Variants in PCDHA8 observed in about 807,000 individuals in gnomAD.
PCDHA8 encodes the protein protocadherin alpha-8.
In PCDHA8, 53 loss-of-function variants were observed where a neutral mutation model predicts 61.8. The observed-to-expected ratio is 0.86, with a 90% confidence interval of 0.69 to 1.08. The LOEUF (loss-of-function observed/expected upper bound fraction) is 1.08, where lower values mean the gene tolerates loss of function less well. Among genes scored for constraint, PCDHA8 ranks in the 50% least tolerant of loss-of-function variants. The pLI, the probability that PCDHA8 is intolerant of heterozygous loss-of-function variation, is 0.00. For synonymous variants in PCDHA8, 618 were observed against 556.6 expected (o/e 1.11, Z -1.55); for missense variants, 1,293 against 1,245.0 (o/e 1.04, Z -0.58).
intron 1 of PCDHA8, among the ~76,000 whole-genome samples, chr5:140,961,483 G>A (rs1365864551): frequency 6.6e-6 from 1 of 152,090 alleles, no homozygotes; most frequent in Non-Finnish European, 1.5e-5. Context: ...TCTTGTCCAC[G>A]TGAGTATATT....
intron 1 of PCDHA8, chr5:140,853,994 C>A (rs1157670229): frequency 4.2e-6 from 2 of 477,726 alleles, no homozygotes; most frequent in Non-Finnish European, 5.6e-6. Context: ...TGAGACTCAT[C>A]TCTGCCAAAA....
chr5:141,009,649 C>G lies in PCDHA8; in HGVS notation c.2565C>G (p.Ser855=). The change falls in exon 4 of 4, where the codon TCC becomes TCG. Residue 855 remains serine, a synonymous_variant. Coordinates refer to ENST00000531613, the MANE Select transcript of PCDHA8 (RefSeq NM_018911.3). ...ATPEPEAGEV[S]PPVGAGVNSN... ...CAGAACCAGAGGCAGGAGAAGTGTC[C>G]CCTCCAGTCGGTGCGGGTGTCAACA... 1 of 1,613,646 alleles carries G rather than the reference C, an allele frequency of 6.2e-7. No homozygotes were observed. The highest frequency in any genetic ancestry group is 8.5e-7 in the Non-Finnish European group (1 of 1,179,816).
At chr5:140,959,407 G>A (rs1449444307) in intron 1 of PCDHA8, among the ~76,000 whole-genome samples, 3 of 152,052 alleles carry the variant, frequency 2.0e-5, no homozygotes, top group African/African-American at 7.2e-5. Flanking sequence ...ATAAAGTGTT[G>A]ATTGATCTGA....
rs949986485 is a variant in PCDHA8 at position 140,855,050 on chromosome 5, T to C, written c.2394+11335T>C. Among the ~76,000 whole-genome samples the C allele has an allele frequency of 5.5e-4, 83 of 150,048 alleles. 4 individuals are homozygous for C. The highest frequency in any genetic ancestry group is 1.9e-3 in the African/African-American group (78 of 41,034). On this transcript the variant is annotated intron_variant, in intron 1 of 3. Transcript: ENST00000531613. ...ATAAAGGATTTTTCTGTAATAGTAC[T>C]TTTCTGTTTTCTTAAATACAGAAAC... is the stretch of plus-strand genomic sequence containing the variant.
At chr5:140,861,150 G>T (rs2046778141) in intron 1 of PCDHA8, 1 of 154,448 alleles carries the variant, frequency 6.5e-6, no homozygotes, top group Non-Finnish European at 1.4e-5. Flanking sequence ...TCAGGAACAA[G>T]GACCAAAAGG....
At chr5:140,873,843 T>C (rs2054523917) in intron 1 of PCDHA8, among the ~76,000 whole-genome samples, 1 of 152,144 alleles carries the variant, frequency 6.6e-6, no homozygotes, top group Non-Finnish European at 1.5e-5. Context: ...GTATTTTTAG[T>C]AGAGATGGGT....
chr5:140,946,631 T>TATATATATATATATATATATACAC lies in PCDHA8; in HGVS notation c.2395-32317_2395-32316insTATATATATATATATATATACACA, dbSNP rs57893927. Among the ~76,000 whole-genome samples, 100 of 131,838 alleles carry TATATATATATATATATATATACAC rather than the reference T, an allele frequency of 7.6e-4. 3 individuals carry two copies. Among genetic ancestry groups the TATATATATATATATATATATACAC allele is most frequent in the African/African-American group, 2.6e-3 (76 of 28,714 alleles). The allele number at this position is 131,838 out of a possible 152,430, so 86.5% of individuals were successfully genotyped here. A position where few individuals can be genotyped will look rare whatever the true frequency, so the allele number is the denominator to read the frequency against. On this transcript the variant is annotated intron_variant, in intron 1 of 3. Transcript: ENST00000531613. ...TGTGAAATATATATATATATATATA[T>TATATATATATATATATATATACAC]ACAATGGAATACTCATCAGCCATTA...
chr5:140,863,834 A>G lies in PCDHA8; in HGVS notation c.2394+20119A>G, dbSNP rs868982708. The G allele has an allele frequency of 1.6e-5, 3 of 185,882 alleles. No homozygotes were observed. The East Asian group carries it at 3.9e-4, about 24-fold the overall frequency. The allele number at this position is 185,882 out of a possible 1,614,324, so 11.5% of individuals were successfully genotyped here. A position where few individuals can be genotyped will look rare whatever the true frequency, so the allele number is the denominator to read the frequency against. The stretch of plus-strand genomic sequence containing the variant: ...GCCAACATGGTGAAACTCCATCTCT[A>G]CTAAAGATATAAAAAAATTAGCTGG... On this transcript the variant is annotated intron_variant, in intron 1 of 3. Transcript: ENST00000531613.
intron 1 of PCDHA8, among the ~76,000 whole-genome samples, chr5:140,938,050 A>G (rs1169641392): frequency 6.6e-6 from 1 of 152,116 alleles, no homozygotes; most frequent in African/African-American, 2.4e-5. Context: ...TGGGTTTTCT[A>G]CATATACTGT....
chr5:140,868,892 A>C (rs1450985948), intron 1 of PCDHA8: 8 of 760,982 alleles, frequency 1.1e-5, no homozygotes, highest in Non-Finnish European at 1.6e-5. Context: ...TTTTAGGCGC[A>C]AGGTGTCGCT....
chr5:140,929,124 C>A (rs2085843450), intron 1 of PCDHA8: 5 of 1,614,048 alleles, frequency 3.1e-6, no homozygotes, highest in Admixed American at 3.3e-5. Context: ...CCATAGATGT[C>A]ACTACAGTTG....
At chr5:140,967,560 A>C (rs2096156699) in intron 1 of PCDHA8, 2 of 1,613,966 alleles carry the variant, frequency 1.2e-6, no homozygotes, top group Non-Finnish European at 1.7e-6. Context: ...TATCGCGTCC[A>C]GCTACGGGAG....
At chr5:140,967,233 A>G in intron 1 of PCDHA8, 1 of 1,613,728 alleles carries the variant, frequency 6.2e-7, no homozygotes, top group South Asian at 1.1e-5. Context: ...TACCAGCTTC[A>G]GGTAAGCGAA....
chr5:140,845,803 T>C (rs1319133517), intron 1 of PCDHA8, among the ~76,000 whole-genome samples: 3 of 149,694 alleles, frequency 2.0e-5, no homozygotes, highest in Non-Finnish European at 4.5e-5. Flanking sequence ...TGGCAAGTGA[T>C]AGGTACATAA....
At chr5:140,919,355 A>C (rs2079096245) in intron 1 of PCDHA8, among the ~76,000 whole-genome samples, 1 of 152,174 alleles carries the variant, frequency 6.6e-6, no homozygotes, top group South Asian at 2.1e-4. Flanking sequence ...TTGAATCTAA[A>C]AGTGTCTCCT....
intron 1 of PCDHA8, among the ~76,000 whole-genome samples, chr5:140,935,276 T>TA (rs1447867343): frequency 6.6e-6 from 1 of 152,226 alleles, no homozygotes; most frequent in African/African-American, 2.4e-5. Flanking sequence ...ACTAATCTAA[T>TA]AAAGTTCAGC....
In PCDHA8 at chr5:140,966,999, G is replaced by A. The variant is rs782081862; in HGVS notation, c.2395-11950G>A. 115 of 1,604,458 alleles carry A rather than the reference G, an allele frequency of 7.2e-5. No homozygotes were observed. The highest frequency in any genetic ancestry group is 8.8e-5 in the Non-Finnish European group (104 of 1,177,324). ...CGGCGCTTGGGGCCGGGTTGCTTGC[G>A]CATCAACCATCTGGGTGCGCCCAGT... On this transcript the variant is annotated intron_variant, in intron 1 of 3. Transcript: ENST00000531613.
In PCDHA8 at chr5:140,883,789, C is replaced by T. The variant is rs782802452; in HGVS notation, c.2394+40074C>T. ...TGGGCGAGCGTGCGCTGTCGAGCTACGTGTCGGTGCACGCGGAGAGCGGCA... is the reference window on the plus strand; with the variant it reads ...TGGGCGAGCGTGCGCTGTCGAGCTATGTGTCGGTGCACGCGGAGAGCGGCA... On this transcript the variant is annotated intron_variant, in intron 1 of 3. Coordinates refer to ENST00000531613, the MANE Select transcript of PCDHA8 (RefSeq NM_018911.3). 1.4e-5 allele frequency: 22 copies of T among 1,612,296 alleles called. No homozygotes were observed. In the South Asian group the frequency reaches 2.0e-4, roughly 14 times the overall value.
intron 1 of PCDHA8, chr5:140,854,286 T>A: frequency 1.9e-6 from 1 of 522,000 alleles, no homozygotes; most frequent in Non-Finnish European, 2.5e-6. Flanking sequence ...AGTTTAGTTT[T>A]TATTATTTTG....
Sources: allele counts gnomAD v4.1 joint callset (sites outside exome capture counted in the v4.1 genomes callset), GRCh38; gene constraint gnomAD v4.1.1; transcripts MANE v1.5; gene names NCBI Gene and HGNC (gene_info 2026-07-23, HGNC 2026-07-21).